The following ASCC2 variants were observed in gnomAD, a reference collection of about 807,000 sequenced individuals.
ASCC2 encodes the protein activating signal cointegrator 1 complex subunit 2.
In ASCC2, 42 loss-of-function variants were observed where a neutral mutation model predicts 93.5. The observed-to-expected ratio is 0.45, with a 90% CI of 0.35 to 0.58. ASCC2 has a LOEUF of 0.58. Ranked by LOEUF, ASCC2 falls within the 20% of genes least tolerant of loss-of-function variation. ASCC2 has a pLI of 0.00. For missense variants in ASCC2, 859 were observed against 977.6 expected (o/e 0.88, Z 1.62); for synonymous variants, 364 against 384.2 (o/e 0.95, Z 0.62).
intron 15 of ASCC2, among the ~76,000 whole-genome samples, chr22:29,797,932 GT>G (rs1429766563): frequency 6.6e-6 from 1 of 151,974 alleles, no homozygotes; most frequent in Non-Finnish European, 1.5e-5. Context: ...TGCCCAGCTA[GT>G]TTTTTGTATT....
intron 12 of ASCC2, among the ~76,000 whole-genome samples, 198 bp from the exon 13 acceptor site, chr22:29,805,028 G>T (rs2147763366): frequency 6.6e-6 from 1 of 152,282 alleles, no homozygotes; most frequent in African/African-American, 2.4e-5. Context: ...ACAACCTAGT[G>T]CCTTTCACTC....
intron 1 of ASCC2, among the ~76,000 whole-genome samples, chr22:29,836,192 T>C (rs1427516350): frequency 6.6e-6 from 1 of 151,896 alleles, no homozygotes; most frequent in African/African-American, 2.4e-5. Flanking sequence ...GGGAGACATT[T>C]GGTGTTACTG....
At chr22:29,822,616 C>A (rs2061697900) in intron 4 of ASCC2, 152 bp from the exon 5 acceptor site, 7 of 794,366 alleles carry the variant, frequency 8.8e-6, no homozygotes, top group Non-Finnish European at 1.1e-5. Context: ...CCATTCTCCC[C>A]CCGCCCTTTT....
At chr22:29,802,694 G>C (rs1012190911) in intron 13 of ASCC2, among the ~76,000 whole-genome samples, 2 of 152,040 alleles carry the variant, frequency 1.3e-5, no homozygotes, top group African/African-American at 4.8e-5. Context: ...TGTAATCCTA[G>C]CACTTTGGGA....
intron 17 of ASCC2, 23 bp from the exon 18 acceptor site, chr22:29,792,558 G>C (rs770407726): frequency 1.2e-6 from 2 of 1,612,518 alleles, no homozygotes; most frequent in African/African-American, 2.7e-5. Context: ...AGAGAAATGA[G>C]ATCAAAGACG....
chr22:29,827,419 T>C, intron 2 of ASCC2: 1 of 335,616 alleles, frequency 3.0e-6, no homozygotes. Flanking sequence ...ATAGAAAAAT[T>C]GAGACTGATA....
intron 13 of ASCC2, 96 bp from the exon 14 acceptor site, chr22:29,802,304 G>T: frequency 2.4e-6 from 3 of 1,260,232 alleles, no homozygotes; most frequent in Non-Finnish European, 3.3e-6. Flanking sequence ...TCAGGGATCT[G>T]GTTCAAGTCC....
At chr22:29,811,355 G>C (rs151275516) in intron 8 of ASCC2, among the ~76,000 whole-genome samples, 220 of 152,294 alleles carry the variant, frequency 1.4e-3, no homozygotes, top group African/African-American at 5.1e-3. Context: ...ATAGAACTGG[G>C]AAAGTAGAAA....
chr22:29,800,028 T>C (rs1334411578), intron 15 of ASCC2, among the ~76,000 whole-genome samples: 1 of 152,236 alleles, frequency 6.6e-6, no homozygotes, highest in Non-Finnish European at 1.5e-5. Flanking sequence ...ACTCAAGTGA[T>C]CCACCTGCCT....
At chr22:29,807,987 G>A in intron 9 of ASCC2, 124 bp downstream of exon 9, 17 of 899,448 alleles carry the variant, frequency 1.9e-5, no homozygotes, top group Non-Finnish European at 8.7e-6. Context: ...GAAGCTCAAA[G>A]CTGCACAGTC....
At position 29,808,176 on chromosome 22, in the gene ASCC2, G is replaced by A; in HGVS notation, c.843C>T (p.Ser281=). Residue 281 remains serine (S), a synonymous_variant, in exon 9 of 20, where the codon TCC becomes TCT. Transcript: ENST00000307790. ...TTTCGGGAATTGCTGCTTCGTAGAA[G>A]GAAGCTAGTCTGTGCAGGCACACAC... ...QKHDFCYRLA[S]FYEAAIPEME... is the part of the protein sequence containing the mutation. The A allele has an allele frequency of 6.8e-6, 11 of 1,614,198 alleles. No individual in the cohort carries two copies. The highest frequency in any genetic ancestry group is 9.3e-6 in the Non-Finnish European group (11 of 1,180,024).
Position 29,806,042 on chromosome 22 carries a change from C to T in ASCC2, c.1160+174G>A, listed in dbSNP as rs1976127823. ...TCCCCTGCCCCAAGCATCAGAGCAGCCATCTCCTCTAGAAAAGGCAAGGCT... is the reference window on the plus strand; with the variant it reads ...TCCCCTGCCCCAAGCATCAGAGCAGTCATCTCCTCTAGAAAAGGCAAGGCT... On this transcript the variant is annotated intron_variant, in intron 12 of 19. Coordinates refer to ENST00000307790, the MANE Select transcript of ASCC2 (RefSeq NM_032204.5). Among the ~76,000 whole-genome samples the T allele has an allele frequency of 2.0e-5, 3 of 152,198 alleles. No homozygotes were observed. The South Asian group carries it at 6.2e-4, about 32-fold the overall frequency.
chr22:29,817,744 C>G (rs1297365059), intron 5 of ASCC2, among the ~76,000 whole-genome samples: 1 of 152,174 alleles, frequency 6.6e-6, no homozygotes, highest in Non-Finnish European at 1.5e-5. Flanking sequence ...TTCTAAGTCC[C>G]TTTCCTCACC....
intron 12 of ASCC2, among the ~76,000 whole-genome samples, chr22:29,805,576 A>G (rs547022298): frequency 4.3e-4 from 66 of 152,210 alleles, no homozygotes; most frequent in African/African-American, 1.4e-3. Context: ...CAAACTTCTT[A>G]GTGATGGTCA....
In ASCC2 at chr22:29,790,500, C is replaced by A. The variant is rs2057576891; in HGVS notation, c.2071G>T (p.Ala691Ser). 1 of 1,614,034 alleles carries A rather than the reference C, an allele frequency of 6.2e-7. No homozygotes were observed. The highest frequency in any genetic ancestry group is 1.3e-5 in the African/African-American group (1 of 74,932). ...DPAVLREKAE[A>S]RRMAFLAKKG... ...TTGGCGAGAAAGGCCATGCGCCTGG[C>A]TTCTGCCTTCTCTCTCAGCACTGCA... Residue 691 changes from alanine (A) to serine (S), a missense_variant, in exon 19 of 20, where the codon GCC becomes TCC. Coordinates refer to ENST00000307790, the MANE Select transcript of ASCC2 (RefSeq NM_032204.5).
At chr22:29,827,709 T>C in intron 2 of ASCC2, 2 of 432,918 alleles carry the variant, frequency 4.6e-6, no homozygotes, top group South Asian at 1.7e-5. Context: ...CTGTTGGCAC[T>C]TTACCTCTTC....
chr22:29,832,186 G>T, intron 2 of ASCC2, 59 bp downstream of exon 2: 1 of 1,457,440 alleles, frequency 6.9e-7, no homozygotes. Flanking sequence ...TTTACTTTTT[G>T]CTCCTGAAAT....
At position 29,806,869 on chromosome 22, in the gene ASCC2, G is replaced by C. The variant is rs766511620; in HGVS notation, c.944C>G (p.Ser315Cys). ...GAAAATCTCCATTAGCTTCTTCCTG[G>C]AATGGGAGAGCCTCTGCCACAGGTC... The part of the protein sequence containing the change: ...LGDLWQRLSH[S>C]RKKLMEIFHI... The change falls in exon 10 of 20, where the codon TCC becomes TGC. Residue 315 changes from serine (S) to cysteine (C), a missense_variant. Coordinates refer to ENST00000307790, the MANE Select transcript of ASCC2 (RefSeq NM_032204.5). 1 of 1,614,000 alleles carries C rather than the reference G, an allele frequency of 6.2e-7. No homozygotes were observed. Among genetic ancestry groups the C allele is most frequent in the Non-Finnish European group, 8.5e-7 (1 of 1,179,912 alleles).
Position 29,789,106 on chromosome 22 carries a change from G to T in ASCC2, c.2181C>A (p.Arg727=), listed in dbSNP as rs377260532. 1.9e-6 allele frequency: 3 copies of T among 1,614,016 alleles called. No homozygotes were observed. The African/African-American group carries it at 4.0e-5, about 22-fold the overall frequency. The change falls in exon 20 of 20, where the codon CGC becomes CGA. Residue 727 remains arginine, a synonymous_variant. Transcript: ENST00000307790. The part of the protein sequence containing the change: ...HGQSRETTQE[R]RKKEANKATR... ...TCGCCTTGTTGGCTTCCTTCTTCCT[G>T]CGTTCCTGGGTTGTCTCGCGGCTCT...
Sources: allele counts gnomAD v4.1 joint callset (sites outside exome capture counted in the v4.1 genomes callset), GRCh38; gene constraint gnomAD v4.1.1; transcripts MANE v1.5; gene names NCBI Gene and HGNC (gene_info 2026-07-23, HGNC 2026-07-21).